CYFIP1: variants seen among roughly 807,000 people sequenced by gnomAD.
The protein encoded by CYFIP1 is cytoplasmic FMR1 interacting protein 1, also known as cytoplasmic FMR1-interacting protein 1.
A neutral mutation model predicts 163.5 loss-of-function variants in CYFIP1; 58 were observed. The observed-to-expected ratio is 0.35, with a 90% CI of 0.29 to 0.44. The LOEUF is 0.44. Among genes scored for constraint, CYFIP1 ranks in the 20% least tolerant of loss-of-function variants. The pLI, the probability that CYFIP1 is intolerant of heterozygous loss-of-function variation, is 1.00. For missense variants in CYFIP1, 1,338 were observed against 1,653.8 expected, an observed-to-expected ratio of 0.81 and a Z score of 3.31; for synonymous variants, 663 against 660.7, an observed-to-expected ratio of 1.00 and a Z score of -0.05.
chr15:22,883,768 G>C (rs2059848883), intron 23 of CYFIP1, among the ~76,000 whole-genome samples: 1 of 139,108 alleles, frequency 7.2e-6, no homozygotes, highest in African/African-American at 2.7e-5. Flanking sequence ...AGTGAGCCGA[G>C]ATCGCGCCAC....
chr15:22,951,196 C>T (rs1043663659), intron 1 of CYFIP1, among the ~76,000 whole-genome samples: 1 of 152,202 alleles, frequency 6.6e-6, no homozygotes, highest in African/African-American at 2.4e-5. Context: ...AGAACAGAGG[C>T]ACCGGCCGCA....
At chr15:22,930,389 CAAAA>C (rs35398202) in intron 11 of CYFIP1, among the ~76,000 whole-genome samples, 9,771 of 114,250 alleles carry the variant, frequency 0.086, 509 homozygotes, top group Middle Eastern at 0.16. Flanking sequence ...CCGTCTCACC[CAAAA>C]AAAAAAAAAA....
chr15:22,967,292 C>T (rs555832110), intron 1 of CYFIP1, among the ~76,000 whole-genome samples: 2 of 152,140 alleles, frequency 1.3e-5, no homozygotes, highest in African/African-American at 2.4e-5. Context: ...ATGGCCTGGA[C>T]GGGGCCCGAC....
At chr15:22,962,048 T>C (rs537613729) in intron 1 of CYFIP1, among the ~76,000 whole-genome samples, 1 of 152,288 alleles carries the variant, frequency 6.6e-6, no homozygotes, top group South Asian at 2.1e-4. Context: ...GTGGCCACTA[T>C]GGGAAGCCAA....
At chr15:22,889,648 C>T (rs1368155717) in intron 23 of CYFIP1, among the ~76,000 whole-genome samples, 1 of 152,190 alleles carries the variant, frequency 6.6e-6, no homozygotes, top group East Asian at 1.9e-4. Context: ...GCCTGCCTCC[C>T]TCGCTTCCAC....
chr15:22,952,279 G>A (rs1171008015), intron 1 of CYFIP1, among the ~76,000 whole-genome samples: 1 of 152,124 alleles, frequency 6.6e-6, no homozygotes. Flanking sequence ...GGCTTGGAAA[G>A]ATGAAACGCT....
chr15:22,919,448 T>C (rs774515605), intron 13 of CYFIP1, among the ~76,000 whole-genome samples: 4 of 152,236 alleles, frequency 2.6e-5, no homozygotes, highest in Non-Finnish European at 5.9e-5. Flanking sequence ...AAACCAAGTA[T>C]GACCTTTACA....
chr15:22,936,741 G>A (rs1397156172), intron 9 of CYFIP1, among the ~76,000 whole-genome samples: 10 of 152,184 alleles, frequency 6.6e-5, no homozygotes, highest in Admixed American at 3.3e-4. Flanking sequence ...ACATTGGAAC[G>A]GATAAGTTAC....
At chr15:22,897,270 C>T (rs116989854) in intron 22 of CYFIP1, among the ~76,000 whole-genome samples, 1,961 of 151,490 alleles carry the variant, frequency 0.013, 20 homozygotes, top group Middle Eastern at 0.02. Context: ...ATGAGAAGGT[C>T]TAACTAACAT....
intron 1 of CYFIP1, among the ~76,000 whole-genome samples, chr15:22,962,420 C>G (rs573832813): frequency 2.1e-5 from 3 of 140,144 alleles, no homozygotes; most frequent in Non-Finnish European, 4.6e-5. Context: ...TTTCTTGAGA[C>G]GGAGTTTTGC....
chr15:22,895,679 G>A (rs1047465989), intron 22 of CYFIP1, among the ~76,000 whole-genome samples: 4 of 152,184 alleles, frequency 2.6e-5, no homozygotes, highest in Non-Finnish European at 5.9e-5. Context: ...ACAGCATGGG[G>A]TTAGAGGCCT....
intron 22 of CYFIP1, among the ~76,000 whole-genome samples, chr15:22,901,097 G>A (rs145281420): frequency 0.024 from 3,640 of 151,844 alleles, 69 homozygotes; most frequent in Middle Eastern, 0.065. Flanking sequence ...CAGCTACTCC[G>A]GAGGCTGAGG....
intron 23 of CYFIP1, among the ~76,000 whole-genome samples, chr15:22,889,266 C>T (rs962215673): frequency 3.3e-5 from 5 of 152,192 alleles, no homozygotes; most frequent in Admixed American, 6.5e-5. Flanking sequence ...CCTCCAAGTG[C>T]CCATTCCCTG....
chr15:22,893,090 C>G (rs549774123), intron 22 of CYFIP1, 113 bp from the exon 23 acceptor site: 18 of 722,230 alleles, frequency 2.5e-5, no homozygotes, highest in African/African-American at 1.6e-4. Flanking sequence ...TCAACTGATA[C>G]AATCATCAAA....
At chr15:22,881,721 G>A (rs1291073814) in intron 25 of CYFIP1, 125 bp downstream of exon 25, 2 of 840,040 alleles carry the variant, frequency 2.4e-6, no homozygotes, top group Non-Finnish European at 3.8e-6. Context: ...TGGTTGTAAG[G>A]TGCATTTGTC....
At chr15:22,920,512 A>C (rs140724721) in intron 13 of CYFIP1, among the ~76,000 whole-genome samples, 8 of 151,414 alleles carry the variant, frequency 5.3e-5, no homozygotes, top group African/African-American at 1.5e-4. Context: ...GACGTGTCTG[A>C]CAAGTACTTG....
intron 1 of CYFIP1, among the ~76,000 whole-genome samples, chr15:22,963,546 T>TAACATAACA: frequency 7.4e-6 from 1 of 134,736 alleles, no homozygotes; most frequent in African/African-American, 2.7e-5. Flanking sequence ...TAACATAACA[T>TAACATAACA]AACATAACAT....
intron 21 of CYFIP1, among the ~76,000 whole-genome samples, chr15:22,907,068 T>C (rs1451518462): frequency 1.3e-5 from 2 of 152,182 alleles, no homozygotes; most frequent in Non-Finnish European, 2.9e-5. Context: ...CCCTCCGCCA[T>C]GATCCTAACC....
intron 1 of CYFIP1, among the ~76,000 whole-genome samples, chr15:22,960,297 G>A (rs1179033352): frequency 1.3e-5 from 2 of 152,220 alleles, no homozygotes; most frequent in East Asian, 3.8e-4. Flanking sequence ...TCCTCCACAT[G>A]CACCAAGACA....
Sources: allele counts gnomAD v4.1 joint callset (sites outside exome capture counted in the v4.1 genomes callset), GRCh38; gene constraint gnomAD v4.1.1; transcripts MANE v1.5; gene names NCBI Gene and HGNC (gene_info 2026-07-23, HGNC 2026-07-21).